Variants in NCAM2 observed in about 807,000 individuals in gnomAD.
NCAM2 encodes neural cell adhesion molecule 2, also known as N-CAM-2.
NCAM2 carries 30 observed loss-of-function variants against 98.1 expected under a neutral mutation model. The ratio of observed to expected loss-of-function variants is 0.31; its 90% CI spans 0.23 to 0.41. The LOEUF (loss-of-function observed/expected upper bound fraction) is 0.41, where lower values mean the gene tolerates loss of function less well. Among genes scored for constraint, NCAM2 ranks in the 10% least tolerant of loss-of-function variants. The probability of loss-of-function intolerance (pLI) is 1.00; values close to 1 mark genes in which losing one functional copy is unlikely to be tolerated. For synonymous variants in NCAM2, 368 were observed against 342.4 expected (o/e 1.07, Z -0.83); for missense variants, 867 against 1,005.8 (o/e 0.86, Z 1.87).
At chr21:21,085,150 ATTG>A (rs1326541211) in intron 1 of NCAM2, among the ~76,000 whole-genome samples, 1 of 151,912 alleles carries the variant, frequency 6.6e-6, no homozygotes, top group African/African-American at 2.4e-5. Flanking sequence ...TTGCAAAGTT[ATTG>A]TTGTTAATGT....
intron 10 of NCAM2, among the ~76,000 whole-genome samples, chr21:21,410,668 C>T (rs2076838874): frequency 6.6e-6 from 1 of 151,684 alleles, no homozygotes; most frequent in Middle Eastern, 3.2e-3. Context: ...AGCAATGTGG[C>T]TATATAGCAA....
chr21:21,500,870 T>C (rs1457093708), intron 15 of NCAM2, among the ~76,000 whole-genome samples: 1 of 152,062 alleles, frequency 6.6e-6, no homozygotes, highest in African/African-American at 2.4e-5. Context: ...CTATTTTATT[T>C]CGTGACAAGT....
intron 1 of NCAM2, among the ~76,000 whole-genome samples, chr21:21,084,434 A>G (rs1003758816): frequency 6.6e-6 from 1 of 152,104 alleles, no homozygotes; most frequent in African/African-American, 2.4e-5. Context: ...TTATAACCAC[A>G]CTCATTTGTC....
At chr21:21,162,249 A>G (rs1048271308) in intron 1 of NCAM2, among the ~76,000 whole-genome samples, 2 of 152,172 alleles carry the variant, frequency 1.3e-5, no homozygotes, top group Admixed American at 1.3e-4. Context: ...AAGTGTAATT[A>G]TATTTTCACA....
chr21:21,428,022 T>C (rs554809087), intron 11 of NCAM2, among the ~76,000 whole-genome samples: 1 of 152,326 alleles, frequency 6.6e-6, no homozygotes, highest in East Asian at 1.9e-4. Context: ...AAAGATTAAG[T>C]GCTGTAGTTG....
intron 5 of NCAM2, among the ~76,000 whole-genome samples, chr21:21,295,167 C>T (rs1218704548): frequency 6.6e-6 from 1 of 151,796 alleles, no homozygotes; most frequent in African/African-American, 2.4e-5. Flanking sequence ...AAATCTTGGC[C>T]TTGTAGGAGG....
At chr21:21,141,151 G>A (rs184517421) in intron 1 of NCAM2, among the ~76,000 whole-genome samples, 20 of 152,188 alleles carry the variant, frequency 1.3e-4, no homozygotes, top group Admixed American at 9.2e-4. Context: ...ATTTCAAAAC[G>A]TATAACACTT....
At chr21:21,159,656 G>C (rs75001523) in intron 1 of NCAM2, among the ~76,000 whole-genome samples, 43 of 152,134 alleles carry the variant, frequency 2.8e-4, no homozygotes, top group African/African-American at 9.9e-4. Context: ...TGCCATCTAG[G>C]TTTGTGTAAG....
intron 4 of NCAM2, 120 bp downstream of exon 4, chr21:21,286,532 A>G: frequency 1.8e-6 from 2 of 1,103,308 alleles, no homozygotes; most frequent in South Asian, 1.7e-5. Flanking sequence ...TTCAACAACT[A>G]TTTTGAGAAC....
intron 8 of NCAM2, among the ~76,000 whole-genome samples, chr21:21,342,136 G>A (rs114534513): frequency 1.8e-3 from 268 of 152,286 alleles, no homozygotes; most frequent in African/African-American, 6.1e-3. Flanking sequence ...TTCACGAGTA[G>A]CATTCACTGC....
At chr21:21,524,572 GA>G (rs1406294932) in intron 16 of NCAM2, among the ~76,000 whole-genome samples, 1 of 149,960 alleles carries the variant, frequency 6.7e-6, no homozygotes, top group Non-Finnish European at 1.5e-5. Context: ...AAGATAAAAA[GA>G]AAAAAAGTAA....
intron 15 of NCAM2, among the ~76,000 whole-genome samples, chr21:21,507,512 G>A (rs568818938): frequency 6.6e-6 from 1 of 152,064 alleles, no homozygotes; most frequent in Admixed American, 6.6e-5. Flanking sequence ...GACTAAACTG[G>A]GCTAGGCACG....
chr21:21,393,088 A>AT (rs946918825), intron 9 of NCAM2, among the ~76,000 whole-genome samples: 18 of 152,050 alleles, frequency 1.2e-4, no homozygotes, highest in Non-Finnish European at 2.2e-4. Flanking sequence ...GGATTTACAT[A>AT]TAAGTCTTTC....
Position 21,541,810 on chromosome 21 carries a change from A to C in NCAM2, c.*3853A>C, listed in dbSNP as rs1990243382. ...AAAATAAGGTAAACATTCAACTTAA[A>C]TCCCCCATGAAGTTTTTTCATGCTC... On this transcript the variant is annotated 3_prime_UTR_variant, in exon 18 of 18. Coordinates refer to ENST00000400546, the MANE Select transcript of NCAM2 (RefSeq NM_004540.5). 6.6e-6 allele frequency: 1 copy of C among 151,788 alleles called. No homozygotes were observed. Among genetic ancestry groups the C allele is most frequent in the East Asian group, 1.9e-4 (1 of 5,186 alleles). The allele number at this position is 151,788 out of a possible 1,614,324, so 9.4% of individuals were successfully genotyped here.
At position 21,418,540 on chromosome 21, in the gene NCAM2, G is replaced by T. The variant is rs1314765684; in HGVS notation, c.1451G>T (p.Arg484Ile). Reference sequence around the variant, plus strand: ...ACAGCCACTAATCATATAGGAACAAGATTTCAAGAATATATTCTTGCTTTG... The same window carrying T: ...ACAGCCACTAATCATATAGGAACAATATTTCAAGAATATATTCTTGCTTTG... ...NCTATNHIGT[R>I]FQEYILALAD... The change falls in exon 11 of 18, where the codon AGA (arginine) becomes ATA (isoleucine). Residue 484 changes from arginine (R) to isoleucine (I), a missense_variant. By Grantham distance (97) the Arg-to-Ile change is moderately conservative. Around this residue, in one of 5 missense-constraint regions of NCAM2, gnomAD observed 234 missense variants for 333.8 expected, o/e 0.70. Coordinates refer to ENST00000400546, the MANE Select transcript of NCAM2 (RefSeq NM_004540.5). The T allele has an allele frequency of 6.2e-7, 1 of 1,611,676 alleles. No homozygotes were observed. The highest frequency in any genetic ancestry group is 1.3e-5 in the African/African-American group (1 of 74,854).
chr21:21,115,111 G>A (rs921436642), intron 1 of NCAM2, among the ~76,000 whole-genome samples: 7 of 152,172 alleles, frequency 4.6e-5, no homozygotes, highest in Admixed American at 2.6e-4. Flanking sequence ...ATGAGCCACC[G>A]CACCCGGCCA....
Position 21,284,415 on chromosome 21 carries a change from T to A in NCAM2, c.337+15T>A. ...GGAAATTTACCGTAAGTAATGTATTTATATGTTTTAGTTTATTCAATTTCA... is the reference window on the plus strand; with the variant it reads ...GGAAATTTACCGTAAGTAATGTATTAATATGTTTTAGTTTATTCAATTTCA... On this transcript the variant is annotated intron_variant, in intron 3 of 17. Coordinates refer to ENST00000400546, the MANE Select transcript of NCAM2 (RefSeq NM_004540.5). 6.3e-7 allele frequency: 1 copy of A among 1,580,480 alleles called. No homozygotes were observed. Among genetic ancestry groups the A allele is most frequent in the Non-Finnish European group, 8.7e-7 (1 of 1,151,754 alleles).
chr21:21,232,463 C>T (rs2070668383), intron 1 of NCAM2, among the ~76,000 whole-genome samples: 1 of 151,368 alleles, frequency 6.6e-6, no homozygotes, highest in African/African-American at 2.4e-5. Flanking sequence ...TTCAGTTGTA[C>T]AGCTGTGTTT....
intron 16 of NCAM2, among the ~76,000 whole-genome samples, chr21:21,514,369 G>A (rs1003532066): frequency 1.2e-4 from 18 of 150,388 alleles, no homozygotes; most frequent in African/African-American, 3.2e-4. Context: ...CCAGCTACTC[G>A]GGAGGCTGAG....
Sources: allele counts gnomAD v4.1 joint callset (sites outside exome capture counted in the v4.1 genomes callset), GRCh38; gene constraint gnomAD v4.1.1; regional missense constraint gnomAD v4.1.1; transcripts MANE v1.5; gene names NCBI Gene and HGNC (gene_info 2026-07-23, HGNC 2026-07-21).